Variants in ABLIM1 observed in about 807,000 individuals in gnomAD.
ABLIM1 encodes actin-binding LIM protein 1.
In ABLIM1, 40 loss-of-function variants were observed where a neutral mutation model predicts 107.0. The observed-to-expected ratio is 0.37, with a 90% CI of 0.29 to 0.49. The LOEUF is 0.49. Among genes scored for constraint, ABLIM1 ranks in the 20% least tolerant of loss-of-function variants. ABLIM1 has a pLI of 0.97. For missense variants in ABLIM1, 857 were observed against 1,008.5 expected, an observed-to-expected ratio of 0.85 and a Z score of 2.04; for synonymous variants, 357 against 357.3, an observed-to-expected ratio of 1.00 and a Z score of 0.01.
intron 4 of ABLIM1, among the ~76,000 whole-genome samples, chr10:114,564,858 C>T (rs1338444881): frequency 3.5e-4 from 54 of 152,272 alleles, no homozygotes; most frequent in African/African-American, 1.1e-3. Context: ...TCTCTAGGCT[C>T]AAGTTCCTGG....
intron 2 of ABLIM1, among the ~76,000 whole-genome samples, chr10:114,594,478 G>A (rs1198267137): frequency 2.6e-5 from 4 of 152,288 alleles, no homozygotes; most frequent in East Asian, 3.9e-4. Flanking sequence ...GGCTGGGTGC[G>A]GTGGCCCATA....
At chr10:114,631,908 C>T in intron 1 of ABLIM1, 1 of 1,304,392 alleles carries the variant, frequency 7.7e-7, no homozygotes. Context: ...TTACCTTTTT[C>T]CTTCACCATG....
At chr10:114,438,472 G>A (rs1175747708) in intron 21 of ABLIM1, among the ~76,000 whole-genome samples, 1 of 152,104 alleles carries the variant, frequency 6.6e-6, no homozygotes, top group Non-Finnish European at 1.5e-5. Context: ...TGTTGCTCAG[G>A]CTGGTCTTAA....
chr10:114,725,598 G>A (rs2081941159), intron 1 of ABLIM1, among the ~76,000 whole-genome samples: 2 of 152,110 alleles, frequency 1.3e-5, no homozygotes, highest in Admixed American at 6.5e-5. Context: ...GAGATGCACT[G>A]GGAGTTAGGA....
intron 4 of ABLIM1, among the ~76,000 whole-genome samples, chr10:114,559,429 C>A (rs2069286567): frequency 3.4e-5 from 3 of 87,718 alleles, no homozygotes; most frequent in African/African-American, 4.6e-5. Context: ...ATAGCAAAAA[C>A]TCGTCTCTCA....
At chr10:114,614,375 C>T (rs1018586407) in intron 1 of ABLIM1, among the ~76,000 whole-genome samples, 4 of 152,086 alleles carry the variant, frequency 2.6e-5, no homozygotes, top group African/African-American at 9.7e-5. Flanking sequence ...TCGCTTGAAC[C>T]CGGGAGGCAG....
At chr10:114,479,026 T>C (rs1336979420) in intron 8 of ABLIM1, among the ~76,000 whole-genome samples, 2 of 152,224 alleles carry the variant, frequency 1.3e-5, no homozygotes, top group Non-Finnish European at 2.9e-5. Flanking sequence ...CAAATAACAG[T>C]TCAAACCTGG....
In ABLIM1 at chr10:114,575,440, T is replaced by C. The variant is rs757707535; in HGVS notation, c.539A>G (p.Asn180Ser). ...VTALGKTYHPNCFACTICKRP... is the reference protein window; with the variant it reads ...VTALGKTYHPSCFACTICKRP... ...CTTGCAGATAGTACAAGCAAAGCAA[T>C]TGGGATGGTAGGTCTTGCCCAGAGC... is the stretch of plus-strand genomic sequence containing the variant. Residue 180 changes from asparagine (N) to serine (S), a missense_variant, in exon 3 of 23, where the codon AAT (asparagine) becomes AGT (serine). Around this residue, in one of 5 missense-constraint regions of ABLIM1, gnomAD observed 381 missense variants for 506.9 expected, o/e 0.75. Coordinates refer to ENST00000533213, the MANE Select transcript of ABLIM1 (RefSeq NM_002313.7). The C allele has an allele frequency of 1.4e-5, 23 of 1,613,904 alleles. No homozygotes were observed. Among genetic ancestry groups the C allele is most frequent in the East Asian group, 4.5e-5 (2 of 44,894 alleles).
intron 1 of ABLIM1, among the ~76,000 whole-genome samples, chr10:114,634,524 T>C (rs1292711911): frequency 6.6e-6 from 1 of 152,196 alleles, no homozygotes. Flanking sequence ...TGAACCTACC[T>C]GTATACCTTG....
In ABLIM1 at chr10:114,453,667, G is replaced by A. The variant is rs1187942515; in HGVS notation, c.1442-184C>T. ...AAGGTGATATCAGGTTTAGTTTTCC[G>A]TTGCAGAGATTTGAACTCAGGTGGA... On this transcript the variant is annotated intron_variant, in intron 12 of 22. Transcript: ENST00000533213. 5.3e-5 allele frequency among the ~76,000 whole-genome samples: 8 copies of A among 152,184 alleles called. No homozygotes were observed. In the East Asian group the frequency reaches 9.6e-4, roughly 18 times the overall value.
At chr10:114,600,649 G>A (rs973856375) in intron 2 of ABLIM1, among the ~76,000 whole-genome samples, 1 of 152,122 alleles carries the variant, frequency 6.6e-6, no homozygotes, top group African/African-American at 2.4e-5. Flanking sequence ...CCAGTTTCCA[G>A]AAATGAAGGT....
the ABLIM1 span, among the ~76,000 whole-genome samples, chr10:114,794,618 T>A: frequency 4.7e-4 from 72 of 152,342 alleles, 1 homozygote; most frequent in South Asian, 0.015. Context: ...GATGCTGATG[T>A]TTTTTAATGC....
chr10:114,654,671 T>C (rs1271927094), intron 1 of ABLIM1, among the ~76,000 whole-genome samples: 1 of 152,168 alleles, frequency 6.6e-6, no homozygotes, highest in Non-Finnish European at 1.5e-5. Context: ...GCAGGGCCCC[T>C]GCCCTAACCC....
At chr10:114,639,747 G>A (rs1250800903) in intron 1 of ABLIM1, among the ~76,000 whole-genome samples, 2 of 152,180 alleles carry the variant, frequency 1.3e-5, no homozygotes, top group Non-Finnish European at 2.9e-5. Flanking sequence ...TTTAGTCTTT[G>A]AACTTGTGTT....
intron 17 of ABLIM1, 76 bp downstream of exon 17, chr10:114,443,953 T>C: frequency 8.4e-7 from 1 of 1,194,120 alleles, no homozygotes; most frequent in Non-Finnish European, 1.2e-6. Flanking sequence ...CCACCACAAG[T>C]GAACAGTCAA....
chr10:114,735,715 C>T (rs1447833065), intron 1 of ABLIM1, among the ~76,000 whole-genome samples: 1 of 152,114 alleles, frequency 6.6e-6, no homozygotes, highest in African/African-American at 2.4e-5. Flanking sequence ...TGATCTGCCC[C>T]CCTCGGCCTC....
Position 114,591,354 on chromosome 10 carries a change from A to C in ABLIM1, c.379+10473T>G, listed in dbSNP as rs116300018. On this transcript the variant is annotated intron_variant, in intron 2 of 22. Coordinates refer to ENST00000533213, the MANE Select transcript of ABLIM1 (RefSeq NM_002313.7). The stretch of plus-strand genomic sequence containing the variant: ...AAAAAAATCAGTTTATGTTTATTAA[A>C]TATGACTATTTAAAAAGACAAGTAT... Among the ~76,000 whole-genome samples the C allele has an allele frequency of 7.1e-3, 1,085 of 152,314 alleles. 12 individuals carry two copies. Among genetic ancestry groups the C allele is most frequent in the African/African-American group, 0.025 (1,038 of 41,570 alleles).
chr10:114,447,867 G>A lies in ABLIM1; in HGVS notation c.1735+13C>T, dbSNP rs1434321371. ...CAGTTTGTCCCTTTGACTTAGCCGT[G>A]ACAGTTGCATACCTACGACAGCAAA... On this transcript the variant is annotated intron_variant, in intron 15 of 22. Coordinates refer to ENST00000533213, the MANE Select transcript of ABLIM1 (RefSeq NM_002313.7). The A allele has an allele frequency of 6.2e-7, 1 of 1,613,824 alleles. No homozygotes were observed. The highest frequency in any genetic ancestry group is 1.3e-5 in the African/African-American group (1 of 74,890).
At chr10:114,663,740 TC>T in intron 1 of ABLIM1, among the ~76,000 whole-genome samples, 1 of 152,352 alleles carries the variant, frequency 6.6e-6, no homozygotes, top group African/African-American at 2.4e-5. Context: ...TAGGAAGCTG[TC>T]CCAGTGGTTG....
Sources: gnomAD v4.1 joint callset for allele counts (sites outside exome capture counted in the v4.1 genomes callset) on GRCh38, gnomAD v4.1.1 for gene constraint, gnomAD v4.1.1 regional missense constraint, MANE v1.5 for transcripts, NCBI Gene and HGNC (gene_info 2026-07-23, HGNC 2026-07-21) for gene names.